The following MRTFB variants were observed in gnomAD, a reference collection of about 807,000 sequenced individuals.
The protein encoded by MRTFB is myocardin related transcription factor B.
A neutral mutation model predicts 104.2 loss-of-function variants in MRTFB; 29 were observed. The observed-to-expected ratio is 0.28, with a 90% confidence interval of 0.21 to 0.38. MRTFB has a LOEUF of 0.38. Among genes scored for constraint, MRTFB ranks in the 10% least tolerant of loss-of-function variants. The pLI, the probability that MRTFB is intolerant of heterozygous loss-of-function variation, is 1.00. For missense variants in MRTFB, 1,270 were observed against 1,341.6 expected, an observed-to-expected ratio of 0.95 and a Z score of 0.83; for synonymous variants, 535 against 519.5, an observed-to-expected ratio of 1.03 and a Z score of -0.41.
the MRTFB span, among the ~76,000 whole-genome samples, chr16:14,001,306 A>AT: frequency 6.6e-6 from 1 of 152,134 alleles, no homozygotes; most frequent in African/African-American, 2.4e-5. Flanking sequence ...TACCATCAGG[A>AT]TTGGGTTTCT....
At chr16:14,117,551 G>A (rs2036605681) in intron 2 of MRTFB, among the ~76,000 whole-genome samples, 1 of 152,194 alleles carries the variant, frequency 6.6e-6, no homozygotes, top group Non-Finnish European at 1.5e-5. Flanking sequence ...TGTCTGTTGT[G>A]TTTGTTTATG....
chr16:14,240,809 C>T (rs1202981395), intron 10 of MRTFB: 2 of 720,288 alleles, frequency 2.8e-6, no homozygotes, highest in South Asian at 3.0e-5. Flanking sequence ...AGTATAATAC[C>T]TGGCATAAAC....
At chr16:14,085,327 G>A (rs1287037538) in intron 2 of MRTFB, among the ~76,000 whole-genome samples, 4 of 151,502 alleles carry the variant, frequency 2.6e-5, no homozygotes, top group Non-Finnish European at 5.9e-5. Flanking sequence ...TGTGGTGGCG[G>A]GCGCCTGTAA....
At chr16:14,106,922 G>C (rs2036009642) in intron 2 of MRTFB, among the ~76,000 whole-genome samples, 1 of 152,170 alleles carries the variant, frequency 6.6e-6, no homozygotes, top group Non-Finnish European at 1.5e-5. Context: ...CTAAATGGCT[G>C]CATACAGGTT....
At chr16:14,107,185 G>A (rs1329130763) in intron 2 of MRTFB, among the ~76,000 whole-genome samples, 7 of 152,322 alleles carry the variant, frequency 4.6e-5, no homozygotes, top group East Asian at 1.9e-4. Flanking sequence ...ACAGTGAGCC[G>A]AGACCGTGCC....
At chr16:14,083,423 G>A (rs1041835294) in intron 2 of MRTFB, among the ~76,000 whole-genome samples, 2 of 152,200 alleles carry the variant, frequency 1.3e-5, no homozygotes, top group Non-Finnish European at 2.9e-5. Flanking sequence ...AATGGAGTCT[G>A]CCTCATAGGG....
intron 8 of MRTFB, among the ~76,000 whole-genome samples, chr16:14,221,130 CTTTTT>C (rs1410702367): frequency 2.0e-5 from 3 of 152,028 alleles, no homozygotes; most frequent in African/African-American, 7.2e-5. Context: ...GTTTTGGTTT[CTTTTT>C]TTAATTAACT....
At chr16:14,200,624 C>T in intron 3 of MRTFB, 2 of 1,582,488 alleles carry the variant, frequency 1.3e-6, no homozygotes, top group South Asian at 1.1e-5. Context: ...GGTTGGCCTA[C>T]GTTGGTGGAA....
intron 13 of MRTFB, among the ~76,000 whole-genome samples, chr16:14,250,341 G>C (rs1264404340): frequency 6.6e-6 from 1 of 152,156 alleles, no homozygotes; most frequent in African/African-American, 2.4e-5. Context: ...GTATTTTTGA[G>C]CAAACCAAGT....
chr16:14,069,472 T>A (rs2033568970), upstream of MRTFB, among the ~76,000 whole-genome samples: 2 of 152,154 alleles, frequency 1.3e-5, no homozygotes, highest in Admixed American at 6.5e-5. Flanking sequence ...ATACATCCCC[T>A]CTTATGAATC....
intron 3 of MRTFB, among the ~76,000 whole-genome samples, chr16:14,180,303 G>T (rs1027931262): frequency 5.9e-5 from 9 of 152,186 alleles, no homozygotes; most frequent in South Asian, 4.1e-4. Context: ...TATCAATAAG[G>T]TGATGAAATG....
At chr16:14,015,697 T>C in the MRTFB span, among the ~76,000 whole-genome samples, 1 of 152,124 alleles carries the variant, frequency 6.6e-6, no homozygotes, top group Non-Finnish European at 1.5e-5. Context: ...TTCTGACCCT[T>C]GGTTTTCTGC....
At chr16:14,067,732 C>A (rs1350570929), upstream of MRTFB, among the ~76,000 whole-genome samples, 1 of 152,162 alleles carries the variant, frequency 6.6e-6, no homozygotes, top group African/African-American at 2.4e-5. Flanking sequence ...GGTATCCTTT[C>A]ATGACTAGGG....
chr16:14,037,649 G>C, the MRTFB span, among the ~76,000 whole-genome samples: 1 of 152,176 alleles, frequency 6.6e-6, no homozygotes, highest in Non-Finnish European at 1.5e-5. Context: ...TCCCTGGACT[G>C]GCTGCTTTTC....
At chr16:14,106,376 G>A (rs913721086) in intron 2 of MRTFB, among the ~76,000 whole-genome samples, 3 of 152,150 alleles carry the variant, frequency 2.0e-5, no homozygotes, top group African/African-American at 7.2e-5. Context: ...AGGGCTGAGA[G>A]GTGAGGAGTT....
chr16:14,111,100 C>T (rs2036244979), intron 2 of MRTFB, among the ~76,000 whole-genome samples: 3 of 152,126 alleles, frequency 2.0e-5, no homozygotes, highest in Admixed American at 2.0e-4. Flanking sequence ...ACTTCTGTAA[C>T]TTCCTTTGTT....
the MRTFB span, among the ~76,000 whole-genome samples, chr16:14,012,295 C>CTTTTTTTTTTT: frequency 2.8e-5 from 3 of 107,922 alleles, no homozygotes; most frequent in African/African-American, 8.6e-5. Flanking sequence ...CTTTTTCTTT[C>CTTTTTTTTTTT]TTTCTTTTTT....
At chr16:14,013,615 T>A in the MRTFB span, among the ~76,000 whole-genome samples, 1 of 152,252 alleles carries the variant, frequency 6.6e-6, no homozygotes, top group African/African-American at 2.4e-5. Flanking sequence ...GAACGTTTGT[T>A]GAACATGTGT....
the MRTFB span, among the ~76,000 whole-genome samples, chr16:14,017,305 C>A: frequency 5.9e-5 from 9 of 151,616 alleles, no homozygotes; most frequent in Admixed American, 1.3e-4. Context: ...ATCCGCCCCC[C>A]TCGGCCTCCC....
Sources: allele counts gnomAD v4.1 joint callset (sites outside exome capture counted in the v4.1 genomes callset), GRCh38; gene constraint gnomAD v4.1.1; transcripts MANE v1.5; gene names NCBI Gene and HGNC (gene_info 2026-07-23, HGNC 2026-07-21).